The following UGT1A8 variants were observed in gnomAD, a reference collection of about 807,000 sequenced individuals.
The protein encoded by UGT1A8 is UDP-glucuronosyltransferase 1A8.
A neutral mutation model predicts 45.3 loss-of-function variants in UGT1A8; 39 were observed. The ratio of observed to expected loss-of-function variants is 0.86; its 90% CI spans 0.67 to 1.12. The LOEUF is 1.12. Ranked by LOEUF, UGT1A8 falls within the 50% of genes most tolerant of loss-of-function variation. The pLI is 0.00. For missense variants in UGT1A8, 719 were observed against 664.9 expected (o/e 1.08, Z -0.90); for synonymous variants, 275 against 249.2 (o/e 1.10, Z -0.97).
chr2:233,760,579 A>T lies in UGT1A8; in HGVS notation c.856-6455A>T. 1.2e-6 allele frequency: 2 copies of T among 1,614,220 alleles called. No homozygotes were observed. Among genetic ancestry groups the T allele is most frequent in the Non-Finnish European group, 1.7e-6 (2 of 1,180,050 alleles). On this transcript the variant is annotated intron_variant, in intron 1 of 4. Transcript: ENST00000373450. ...AGAGTCTTTTGTTAGTCTCGGGCATAATGTTTTTGAGAATGATTCTTTCCT... is the reference window on the plus strand; with the variant it reads ...AGAGTCTTTTGTTAGTCTCGGGCATTATGTTTTTGAGAATGATTCTTTCCT...
intron 1 of UGT1A8, chr2:233,690,602 C>T (rs560704774): frequency 1.1e-5 from 14 of 1,288,534 alleles, no homozygotes; most frequent in Admixed American, 4.6e-5. Flanking sequence ...AAAAAAAAAT[C>T]GGCCTTTGCC....
chr2:233,716,548 A>C (rs17864696), intron 1 of UGT1A8, among the ~76,000 whole-genome samples: 15,434 of 152,118 alleles, frequency 0.1, 897 homozygotes, highest in East Asian at 0.2. Context: ...CTCTCCTTAT[A>C]TTCCTTTTTT....
chr2:233,766,585 G>A (rs1016585528), intron 1 of UGT1A8, among the ~76,000 whole-genome samples: 22 of 152,180 alleles, frequency 1.4e-4, no homozygotes, highest in African/African-American at 5.3e-4. Flanking sequence ...TGGGGGTGGA[G>A]CCCTCGCCAG....
chr2:233,661,334 A>T (rs946228646), intron 1 of UGT1A8, among the ~76,000 whole-genome samples: 10 of 152,100 alleles, frequency 6.6e-5, no homozygotes, highest in Non-Finnish European at 1.2e-4. Context: ...TGCTGTCATT[A>T]CCATTACCAC....
intron 1 of UGT1A8, among the ~76,000 whole-genome samples, chr2:233,716,295 T>C (rs1461759627): frequency 1.3e-5 from 2 of 152,216 alleles, no homozygotes; most frequent in Non-Finnish European, 2.9e-5. Flanking sequence ...ATCACATCTA[T>C]AAAGTCTCTT....
chr2:233,772,245 A>T lies in UGT1A8; in HGVS notation c.1296-17A>T, dbSNP rs1279252088. The T allele has an allele frequency of 1.2e-6, 2 of 1,614,050 alleles. No individual in the cohort carries two copies. The highest frequency in any genetic ancestry group is 1.7e-5 in the Admixed American group (1 of 60,002). On this transcript the variant is annotated splice_polypyrimidine_tract_variant and intron_variant, in intron 4 of 4. Coordinates refer to ENST00000373450, the MANE Select transcript of UGT1A8 (RefSeq NM_019076.5). ...CCACAGGTGTTCCAGGCATAACGAAACTGTCTTTGTGTTTAGTTACAAGGA... is the reference window on the plus strand; with the variant it reads ...CCACAGGTGTTCCAGGCATAACGAATCTGTCTTTGTGTTTAGTTACAAGGA...
intron 1 of UGT1A8, among the ~76,000 whole-genome samples, chr2:233,702,723 C>T (rs2075703214): frequency 6.6e-6 from 1 of 152,078 alleles, no homozygotes; most frequent in Admixed American, 6.5e-5. Flanking sequence ...TTGAAATGAA[C>T]ATGGTTTTCT....
At chr2:233,624,009 A>T (rs553267264) in intron 1 of UGT1A8, among the ~76,000 whole-genome samples, 20 of 152,152 alleles carry the variant, frequency 1.3e-4, no homozygotes, top group Non-Finnish European at 2.6e-4. Flanking sequence ...GAATAAATAG[A>T]GGTTTATAGC....
chr2:233,677,977 T>C (rs1171780295), intron 1 of UGT1A8, among the ~76,000 whole-genome samples: 2 of 152,104 alleles, frequency 1.3e-5, no homozygotes, highest in Non-Finnish European at 2.9e-5. Flanking sequence ...CTCCATGGAA[T>C]ATGCAGCCAT....
chr2:233,762,986 G>A (rs1271717565), intron 1 of UGT1A8, among the ~76,000 whole-genome samples: 1 of 152,018 alleles, frequency 6.6e-6, no homozygotes, highest in Non-Finnish European at 1.5e-5. Context: ...CTATTTTAGT[G>A]GAAATTGATT....
At chr2:233,766,998 GA>G in intron 1 of UGT1A8, 35 bp from the exon 2 acceptor site, 1 of 1,613,532 alleles carries the variant, frequency 6.2e-7, no homozygotes, top group South Asian at 1.1e-5. Context: ...AAGAATATGA[GA>G]AAAAATTAAC....
At chr2:233,668,670 C>A (rs1428443965) in intron 1 of UGT1A8, among the ~76,000 whole-genome samples, 2 of 152,352 alleles carry the variant, frequency 1.3e-5, no homozygotes, top group East Asian at 3.9e-4. Context: ...ACACTCCCAC[C>A]AACAGGGTAA....
At chr2:233,743,378 C>G (rs1480279341) in intron 1 of UGT1A8, 1 of 1,169,844 alleles carries the variant, frequency 8.5e-7, no homozygotes, top group Non-Finnish European at 1.2e-6. Flanking sequence ...CCATCACTAC[C>G]GTAGGACATG....
rs1700557066 is a variant in UGT1A8 at position 233,772,919 on chromosome 2, C to A, written c.*360C>A. On this transcript the variant is annotated 3_prime_UTR_variant, in exon 5 of 5. Coordinates refer to ENST00000373450, the MANE Select transcript of UGT1A8 (RefSeq NM_019076.5). Reference sequence around the variant, plus strand: ...CCACGGCTGCCCCTACTGCAAATGGCAGTTTTAATCTTATCTTTTGGCTTC... The same window carrying A: ...CCACGGCTGCCCCTACTGCAAATGGAAGTTTTAATCTTATCTTTTGGCTTC... 1 of 369,168 alleles carries A rather than the reference C, an allele frequency of 2.7e-6. No homozygotes were observed. Among genetic ancestry groups the A allele is most frequent in the Non-Finnish European group, 4.8e-6 (1 of 207,048 alleles). 22.9% of individuals were successfully genotyped at this position (369,168 alleles called of 1,614,324 possible).
At chr2:233,672,452 T>G in intron 1 of UGT1A8, 2 of 1,613,970 alleles carry the variant, frequency 1.2e-6, no homozygotes, top group Middle Eastern at 1.7e-4. Flanking sequence ...AGGGGAATAC[T>G]TTGCCACTAT....
intron 1 of UGT1A8, among the ~76,000 whole-genome samples, chr2:233,637,905 C>A (rs980459208): frequency 6.6e-6 from 1 of 152,026 alleles, no homozygotes; most frequent in Admixed American, 6.5e-5. Flanking sequence ...TTGACAAGTT[C>A]TTTTAATAAT....
At chr2:233,692,901 G>C in intron 1 of UGT1A8, 1 of 1,544,142 alleles carries the variant, frequency 6.5e-7, no homozygotes, top group Non-Finnish European at 8.7e-7. Flanking sequence ...GAGGTAGACA[G>C]GACCTGTGAA....
At chr2:233,636,458 T>C (rs1008455466) in intron 1 of UGT1A8, 292 of 1,547,156 alleles carry the variant, frequency 1.9e-4, no homozygotes, top group Non-Finnish European at 2.4e-4. Flanking sequence ...GTGCCTGTAC[T>C]TCTTCCGCCT....
Position 233,618,378 on chromosome 2 carries a change from C to A in UGT1A8, c.671C>A (p.Ser224Tyr). 6.2e-7 allele frequency: 1 copy of A among 1,613,836 alleles called. No homozygotes were observed. Among genetic ancestry groups the A allele is most frequent in the Non-Finnish European group, 8.5e-7 (1 of 1,179,818 alleles). Reference sequence around the variant, plus strand: ...GAACATTTATTTTGCCAGTATTTTTCCAAAAATGCCCTAGAAATAGCCTCT... The same window carrying A: ...GAACATTTATTTTGCCAGTATTTTTACAAAAATGCCCTAGAAATAGCCTCT... ...LEEHLFCQYFSKNALEIASEI... is the reference protein window; with the variant it reads ...LEEHLFCQYFYKNALEIASEI... The change falls in exon 1 of 5, where the codon TCC (serine) becomes TAC (tyrosine). Residue 224 changes from serine to tyrosine, a missense_variant. Coordinates refer to ENST00000373450, the MANE Select transcript of UGT1A8 (RefSeq NM_019076.5).
Sources: gnomAD v4.1 joint callset for allele counts (sites outside exome capture counted in the v4.1 genomes callset) on GRCh38, gnomAD v4.1.1 for gene constraint, MANE v1.5 for transcripts, NCBI Gene and HGNC (gene_info 2026-07-23, HGNC 2026-07-21) for gene names.